The following CPQ variants were observed in gnomAD, a reference collection of about 807,000 sequenced individuals.
CPQ encodes carboxypeptidase Q.
Under a neutral mutation model 45.7 loss-of-function variants are expected in CPQ, and 37 were observed. The observed-to-expected ratio is 0.81, with a 90% CI of 0.62 to 1.07. The LOEUF is 1.07. CPQ is among the 50% of genes least tolerant of loss of function. CPQ has a pLI of 0.00. For synonymous variants in CPQ, 186 were observed against 205.8 expected, an observed-to-expected ratio of 0.90 and a Z score of 0.82; for missense variants, 537 against 572.9, an observed-to-expected ratio of 0.94 and a Z score of 0.64.
chr8:96,768,875 A>G (rs1810504078), intron 1 of CPQ, among the ~76,000 whole-genome samples: 1 of 152,194 alleles, frequency 6.6e-6, no homozygotes, highest in African/African-American at 2.4e-5. Flanking sequence ...GAAATTACTA[A>G]TATCTCTACC....
chr8:97,142,083 C>T (rs1001655843), intron 7 of CPQ, among the ~76,000 whole-genome samples: 1 of 152,156 alleles, frequency 6.6e-6, no homozygotes, highest in Non-Finnish European at 1.5e-5. Context: ...TTCCAAGATA[C>T]TGGTGATATC....
At chr8:96,842,553 AC>A (rs1811626781) in intron 3 of CPQ, among the ~76,000 whole-genome samples, 1 of 152,160 alleles carries the variant, frequency 6.6e-6, no homozygotes, top group Non-Finnish European at 1.5e-5. Flanking sequence ...ACCAGAGAAG[AC>A]CCACAACAAA....
intron 5 of CPQ, among the ~76,000 whole-genome samples, chr8:96,969,501 C>A (rs1813626771): frequency 6.6e-6 from 1 of 152,098 alleles, no homozygotes; most frequent in Non-Finnish European, 1.5e-5. Flanking sequence ...AGAAACAGAC[C>A]AACATGGCTT....
chr8:96,926,259 C>T (rs572730139), intron 4 of CPQ, among the ~76,000 whole-genome samples: 1 of 152,184 alleles, frequency 6.6e-6, no homozygotes, highest in African/African-American at 2.4e-5. Flanking sequence ...GAACTTATTC[C>T]CAGTGCAGCC....
intron 4 of CPQ, among the ~76,000 whole-genome samples, chr8:96,927,106 C>A (rs1196920853): frequency 1.3e-5 from 2 of 152,178 alleles, no homozygotes; most frequent in African/African-American, 4.8e-5. Context: ...TTCCTTGAAG[C>A]TTTAAATATG....
intron 6 of CPQ, among the ~76,000 whole-genome samples, chr8:97,038,849 A>T (rs899217932): frequency 7.4e-6 from 1 of 135,548 alleles, no homozygotes; most frequent in Non-Finnish European, 1.6e-5. Context: ...AAAAAAAAAA[A>T]GAATAAAGGC....
chr8:96,819,958 C>T (rs1467689733), intron 2 of CPQ, among the ~76,000 whole-genome samples: 1 of 152,102 alleles, frequency 6.6e-6, no homozygotes, highest in East Asian at 1.9e-4. Flanking sequence ...ATGGTTTTGG[C>T]ACCCATCAAG....
chr8:96,695,470 C>T (rs1809364547), intron 1 of CPQ, among the ~76,000 whole-genome samples: 1 of 151,594 alleles, frequency 6.6e-6, no homozygotes, highest in African/African-American at 2.4e-5. Flanking sequence ...AGCTTCTGCA[C>T]AGCAAAAGAA....
chr8:96,988,386 T>G (rs934041988), intron 5 of CPQ, among the ~76,000 whole-genome samples: 2 of 152,202 alleles, frequency 1.3e-5, no homozygotes, highest in African/African-American at 4.8e-5. Context: ...TACATACATA[T>G]TCGGAGTTTT....
At chr8:97,025,449 T>C (rs538639809) in intron 5 of CPQ, among the ~76,000 whole-genome samples, 1 of 152,170 alleles carries the variant, frequency 6.6e-6, no homozygotes. Context: ...CTCTGGCAAC[T>C]TCTATATATT....
At chr8:97,096,100 C>G (rs1811206853) in intron 7 of CPQ, among the ~76,000 whole-genome samples, 1 of 152,068 alleles carries the variant, frequency 6.6e-6, no homozygotes, top group African/African-American at 2.4e-5. Flanking sequence ...TTATTGAACT[C>G]TATGTCCTAG....
chr8:96,908,217 G>A (rs577243730), intron 4 of CPQ, among the ~76,000 whole-genome samples: 41 of 151,974 alleles, frequency 2.7e-4, no homozygotes, highest in African/African-American at 9.9e-4. Flanking sequence ...GAGACAGAAA[G>A]AGAAAAGATT....
At position 96,991,872 on chromosome 8, in the gene CPQ, C is replaced by T. The variant is rs1385880725; in HGVS notation, c.961+25826C>T. ...TGGATTTTGGTTTGGATTTCCATTC[C>T]ACTCTCCATCATTGAGAAGGAACTG... is the stretch of plus-strand genomic sequence containing the variant. On this transcript the variant is annotated intron_variant, in intron 5 of 7. Coordinates refer to ENST00000220763, the MANE Select transcript of CPQ (RefSeq NM_016134.4). 2.6e-5 allele frequency among the ~76,000 whole-genome samples: 4 copies of T among 152,044 alleles called. No individual in the cohort carries two copies. The East Asian group carries it at 5.8e-4, about 22-fold the overall frequency.
Position 96,793,258 on chromosome 8 carries a change from A to T in CPQ, c.433+7928A>T, listed in dbSNP as rs1810875373. On this transcript the variant is annotated intron_variant, in intron 2 of 7. Transcript: ENST00000220763. ...CCATTTTCACGCTGCTTATAAAGAC[A>T]TACCCAAGACTGGGCAATTTACAAA... Among the ~76,000 whole-genome samples, 3 of 152,208 alleles carry T rather than the reference A, an allele frequency of 2.0e-5. No individual in the cohort carries two copies. The East Asian group carries it at 5.8e-4, about 29-fold the overall frequency.
At chr8:96,919,579 T>G (rs1812780909) in intron 4 of CPQ, among the ~76,000 whole-genome samples, 2 of 152,146 alleles carry the variant, frequency 1.3e-5, no homozygotes, top group African/African-American at 4.8e-5. Flanking sequence ...GAAACTAGAA[T>G]TTCACGTTTT....
chr8:97,098,806 C>T (rs1196648727), intron 7 of CPQ, among the ~76,000 whole-genome samples: 1 of 152,016 alleles, frequency 6.6e-6, no homozygotes, highest in Non-Finnish European at 1.5e-5. Context: ...CAATTGGGTC[C>T]TGGAAACAGC....
intron 5 of CPQ, among the ~76,000 whole-genome samples, chr8:96,991,267 C>A (rs1371229907): frequency 6.6e-6 from 1 of 152,102 alleles, no homozygotes; most frequent in Non-Finnish European, 1.5e-5. Context: ...AACAATAATG[C>A]CTTCCCTGCC....
At chr8:97,102,248 G>A (rs927571660) in intron 7 of CPQ, among the ~76,000 whole-genome samples, 6 of 152,250 alleles carry the variant, frequency 3.9e-5, no homozygotes, top group African/African-American at 7.2e-5. Context: ...AAAGCTGCTC[G>A]ATAATTTCTT....
At chr8:96,808,603 G>A (rs1406499216) in intron 2 of CPQ, among the ~76,000 whole-genome samples, 2 of 152,138 alleles carry the variant, frequency 1.3e-5, no homozygotes, top group Non-Finnish European at 2.9e-5. Context: ...AGGAGGAAAG[G>A]TATCCTCTTA....
Sources: allele counts gnomAD v4.1 joint callset (sites outside exome capture counted in the v4.1 genomes callset), GRCh38; gene constraint gnomAD v4.1.1; transcripts MANE v1.5; gene names NCBI Gene and HGNC (gene_info 2026-07-23, HGNC 2026-07-21).